The following TMTC2 variants were observed in gnomAD, a reference collection of about 807,000 sequenced individuals.
TMTC2 encodes the protein transmembrane O-mannosyltransferase targeting cadherins 2.
Under a neutral mutation model 82.4 loss-of-function variants are expected in TMTC2, and 43 were observed. The ratio of observed to expected loss-of-function variants is 0.52; its 90% CI spans 0.41 to 0.67. TMTC2 has a LOEUF of 0.67. Among genes scored for constraint, TMTC2 ranks in the 30% least tolerant of loss-of-function variants. TMTC2 has a pLI of 0.00. For synonymous variants in TMTC2, 408 were observed against 381.9 expected (o/e 1.07, Z -0.80); for missense variants, 919 against 1,012.4 (o/e 0.91, Z 1.25).
At chr12:83,123,619 G>A (rs1440824384) in intron 11 of TMTC2, among the ~76,000 whole-genome samples, 1 of 151,840 alleles carries the variant, frequency 6.6e-6, no homozygotes, top group African/African-American at 2.4e-5. Context: ...TTTCATTTTG[G>A]TTGGTGCCAG....
At chr12:82,931,862 C>T (rs780332865) in intron 4 of TMTC2, among the ~76,000 whole-genome samples, 3 of 152,120 alleles carry the variant, frequency 2.0e-5, no homozygotes, top group Non-Finnish European at 4.4e-5. Context: ...ACTGACCCTC[C>T]TGCAGTTCTG....
At chr12:83,093,899 G>C (rs1436991870) in intron 11 of TMTC2, among the ~76,000 whole-genome samples, 1 of 152,168 alleles carries the variant, frequency 6.6e-6, no homozygotes, top group Admixed American at 6.5e-5. Flanking sequence ...TAGTGACAGG[G>C]AAAGAGACAA....
At chr12:82,760,720 C>T (rs1308925383) in intron 1 of TMTC2, among the ~76,000 whole-genome samples, 1 of 152,070 alleles carries the variant, frequency 6.6e-6, no homozygotes, top group African/African-American at 2.4e-5. Flanking sequence ...GTATTGCCCC[C>T]TGAGCTCCAC....
In TMTC2 at chr12:83,106,270, C is replaced by T. The variant is rs185175635; in HGVS notation, c.2332-25940C>T. ...AGATACACAGCTTGGGAGGCCAAGG[C>T]GGGCAGATCACCTGAGGTCAGGCGT... is the stretch of plus-strand genomic sequence containing the variant. On this transcript the variant is annotated intron_variant, in intron 11 of 11. Transcript: ENST00000321196. Among the ~76,000 whole-genome samples, 140 of 152,146 alleles carry T rather than the reference C, an allele frequency of 9.2e-4. No individual in the cohort carries two copies. The Middle Eastern group carries it at 0.01, about 11-fold the overall frequency.
chr12:82,931,443 G>A (rs920403125), intron 4 of TMTC2, among the ~76,000 whole-genome samples: 2 of 152,134 alleles, frequency 1.3e-5, no homozygotes, highest in Non-Finnish European at 2.9e-5. Flanking sequence ...TGAGTGGACA[G>A]TCCTAGCTGG....
Position 82,857,064 on chromosome 12 carries a change from T to C in TMTC2, c.138T>C (p.Ile46=). The C allele has an allele frequency of 6.2e-7, 1 of 1,613,608 alleles. No individual in the cohort carries two copies. The highest frequency in any genetic ancestry group is 8.5e-7 in the Non-Finnish European group (1 of 1,180,026). ...TCCCAGAAACTCCATGGACGCACAT[T>C]TTCTACAATGATTTTTGGGGGACTC... ...DLLPETPWTH[I]FYNDFWGTLL... is the part of the protein sequence containing the mutation. The change falls in exon 2 of 12, where the codon ATT becomes ATC. Residue 46 remains isoleucine, a synonymous_variant. Coordinates refer to ENST00000321196, the MANE Select transcript of TMTC2 (RefSeq NM_152588.3).
chr12:82,931,725 A>G lies in TMTC2; in HGVS notation c.1598+1180A>G, dbSNP rs74607751. 3.0e-3 allele frequency among the ~76,000 whole-genome samples: 458 copies of G among 152,250 alleles called. 3 individuals carry two copies. The highest frequency in any genetic ancestry group is 0.01 in the African/African-American group (436 of 41,562). On this transcript the variant is annotated intron_variant, in intron 4 of 11. Transcript: ENST00000321196. ...TTTGCTCCATTTTCTGTGGTACTCT[A>G]TAACAATGGGAAAGATGATTCCTGT...
At position 82,987,112 on chromosome 12, in the gene TMTC2, C is replaced by A. The variant is rs944576717; in HGVS notation, c.2070+1066C>A. Among the ~76,000 whole-genome samples, 8 of 152,052 alleles carry A rather than the reference C, an allele frequency of 5.3e-5. No individual in the cohort carries two copies. In the East Asian group the frequency reaches 1.5e-3, roughly 29 times the overall value. Reference sequence around the variant, plus strand: ...ACTTTCCACAGAAGATGGTAGATAACACTTATAATTGTCAAATATCCATTC... The same window carrying A: ...ACTTTCCACAGAAGATGGTAGATAAAACTTATAATTGTCAAATATCCATTC... On this transcript the variant is annotated intron_variant, in intron 8 of 11. Transcript: ENST00000321196.
At chr12:82,727,608 C>T (rs1874527174) in intron 1 of TMTC2, among the ~76,000 whole-genome samples, 1 of 151,830 alleles carries the variant, frequency 6.6e-6, no homozygotes, top group Non-Finnish European at 1.5e-5. Flanking sequence ...GTAATCCCAG[C>T]TACTCGGGAG....
In TMTC2 at chr12:83,031,236, A is replaced by G. The variant is rs143293808; in HGVS notation, c.2152+357A>G. ...TTCTTTTCATTCTAAGTGATAACGT[A>G]TTGCTCATTGAGCATGTCATTTTGA... is the stretch of plus-strand genomic sequence containing the variant. On this transcript the variant is annotated intron_variant, in intron 9 of 11. Transcript: ENST00000321196. 2.0e-5 allele frequency among the ~76,000 whole-genome samples: 3 copies of G among 152,284 alleles called. No homozygotes were observed. The East Asian group carries it at 5.8e-4, about 29-fold the overall frequency.
chr12:83,016,725 G>A (rs1475881217), intron 8 of TMTC2, among the ~76,000 whole-genome samples: 1 of 152,186 alleles, frequency 6.6e-6, no homozygotes, highest in Non-Finnish European at 1.5e-5. Context: ...TCTGGAACAT[G>A]TCTACAATGT....
chr12:82,690,581 AT>A, intron 1 of TMTC2: 1 of 209,496 alleles, frequency 4.8e-6, no homozygotes, highest in Non-Finnish European at 8.3e-6. Context: ...GTAAAATTTA[AT>A]ATTTTACAAG....
chr12:82,800,411 C>A (rs183774496), intron 1 of TMTC2, among the ~76,000 whole-genome samples: 1 of 152,276 alleles, frequency 6.6e-6, no homozygotes, highest in Admixed American at 6.5e-5. Context: ...CTGCTCTATT[C>A]AGCTTGTGTG....
chr12:82,828,410 G>C (rs1467480585), intron 1 of TMTC2, among the ~76,000 whole-genome samples: 1 of 151,958 alleles, frequency 6.6e-6, no homozygotes, highest in African/African-American at 2.4e-5. Context: ...AGGTGGGCCA[G>C]ACTGGTCTTG....
chr12:83,068,049 G>A (rs1882981648), intron 11 of TMTC2, among the ~76,000 whole-genome samples: 1 of 152,124 alleles, frequency 6.6e-6, no homozygotes, highest in South Asian at 2.1e-4. Context: ...ATGATTATAT[G>A]TCAAAAGATT....
At chr12:83,039,349 TAAGA>T (rs1209002155) in intron 9 of TMTC2, among the ~76,000 whole-genome samples, 1 of 152,060 alleles carries the variant, frequency 6.6e-6, no homozygotes, top group East Asian at 1.9e-4. Context: ...ACATAAAACT[TAAGA>T]AAGGAATAAA....
At chr12:82,916,606 G>A (rs1875013056) in intron 3 of TMTC2, among the ~76,000 whole-genome samples, 2 of 152,140 alleles carry the variant, frequency 1.3e-5, no homozygotes, top group African/African-American at 4.8e-5. Flanking sequence ...AAAATGCCAA[G>A]GAACAACCGT....
chr12:82,764,531 T>C (rs182745703), intron 1 of TMTC2, among the ~76,000 whole-genome samples: 39 of 152,232 alleles, frequency 2.6e-4, no homozygotes, highest in African/African-American at 8.9e-4. Flanking sequence ...CCAACAGATA[T>C]ATCAATGGAG....
intron 6 of TMTC2, 115 bp downstream of exon 6, chr12:82,965,859 C>T: frequency 9.4e-7 from 1 of 1,062,502 alleles, no homozygotes; most frequent in Non-Finnish European, 1.4e-6. Flanking sequence ...AATATGTATA[C>T]ACGTTAAACT....
Sources: gnomAD v4.1 joint callset for allele counts (sites outside exome capture counted in the v4.1 genomes callset) on GRCh38, gnomAD v4.1.1 for gene constraint, MANE v1.5 for transcripts, NCBI Gene and HGNC (gene_info 2026-07-23, HGNC 2026-07-21) for gene names.